SLCO5A1: variants seen among roughly 807,000 people sequenced by gnomAD.
The protein encoded by SLCO5A1 is solute carrier organic anion transporter family member 5A1.
SLCO5A1 carries 39 observed loss-of-function variants against 65.1 expected under a neutral mutation model. The ratio of observed to expected loss-of-function variants is 0.60; its 90% CI spans 0.46 to 0.78. The LOEUF (loss-of-function observed/expected upper bound fraction) is 0.78. Among genes scored for constraint, SLCO5A1 ranks in the 30% least tolerant of loss-of-function variants. The probability of loss-of-function intolerance (pLI) is 0.00; values close to 1 mark genes in which losing one functional copy is unlikely to be tolerated. For missense variants in SLCO5A1, 1,029 were observed against 1,069.4 expected (o/e 0.96, Z 0.53); for synonymous variants, 438 against 415.7 (o/e 1.05, Z -0.65).
intron 4 of SLCO5A1, among the ~76,000 whole-genome samples, chr8:69,739,151 T>C (rs1363945292): frequency 6.6e-6 from 1 of 152,218 alleles, no homozygotes; most frequent in Non-Finnish European, 1.5e-5. Flanking sequence ...TAGATGTACA[T>C]ATATGTGTGT....
intron 2 of SLCO5A1, among the ~76,000 whole-genome samples, chr8:69,803,446 C>T (rs972999900): frequency 1.3e-5 from 2 of 151,808 alleles, no homozygotes; most frequent in African/African-American, 4.8e-5. Flanking sequence ...GGCATGGTGC[C>T]GGGTTCCTGT....
At chr8:69,677,800 C>T (rs73686118) in intron 8 of SLCO5A1, among the ~76,000 whole-genome samples, 7,462 of 152,266 alleles carry the variant, frequency 0.049, 621 homozygotes, top group African/African-American at 0.17. Context: ...GCAATGACAT[C>T]TCAGCAGGTG....
chr8:69,812,037 C>T (rs1242795200), intron 2 of SLCO5A1, among the ~76,000 whole-genome samples: 1 of 152,224 alleles, frequency 6.6e-6, no homozygotes, highest in Non-Finnish European at 1.5e-5. Context: ...TTTGCAACCC[C>T]TCTCATTCGA....
chr8:69,806,223 A>G (rs963442531), intron 2 of SLCO5A1, among the ~76,000 whole-genome samples: 3 of 152,238 alleles, frequency 2.0e-5, no homozygotes, highest in African/African-American at 7.2e-5. Flanking sequence ...GTTCTCAAGC[A>G]TCCTTTAAGC....
At chr8:69,692,990 TATTGAAGG>T (rs1814339622) in intron 6 of SLCO5A1, among the ~76,000 whole-genome samples, 1 of 152,246 alleles carries the variant, frequency 6.6e-6, no homozygotes, top group Non-Finnish European at 1.5e-5. Context: ...TGTGCTGTAC[TATTGAAGG>T]ACTGCCAGCA....
intron 2 of SLCO5A1, among the ~76,000 whole-genome samples, chr8:69,784,811 A>AAGAAAAAGAAAGAAAGAAAG (rs1554620797): frequency 2.8e-5 from 2 of 70,950 alleles, no homozygotes; most frequent in African/African-American, 7.8e-5. Flanking sequence ...GAAAGAAAGA[A>AAGAAAAAGAAAGAAAGAAAG]AAAGAAAGAA....
intron 8 of SLCO5A1, among the ~76,000 whole-genome samples, chr8:69,677,917 CT>C (rs887968525): frequency 3.3e-5 from 5 of 152,136 alleles, no homozygotes; most frequent in South Asian, 2.1e-4. Flanking sequence ...CTAATCCCCC[CT>C]AATCCCCTTC....
chr8:69,793,810 TAAATA>T (rs1190144874), intron 2 of SLCO5A1, among the ~76,000 whole-genome samples: 16 of 140,456 alleles, frequency 1.1e-4, no homozygotes, highest in Non-Finnish European at 1.7e-4. Flanking sequence ...AATAAATAAA[TAAATA>T]AAATAAAATT....
At chr8:69,769,672 G>C (rs1057248232) in intron 2 of SLCO5A1, among the ~76,000 whole-genome samples, 2 of 151,982 alleles carry the variant, frequency 1.3e-5, no homozygotes, top group African/African-American at 4.8e-5. Context: ...ATCTTAGTAA[G>C]TTATCTCTTC....
chr8:69,823,241 A>AT (rs1209908296), intron 2 of SLCO5A1, among the ~76,000 whole-genome samples: 6 of 152,228 alleles, frequency 3.9e-5, no homozygotes, highest in Admixed American at 6.5e-5. Flanking sequence ...AGCTAACATC[A>AT]TAAAGACAGG....
intron 4 of SLCO5A1, among the ~76,000 whole-genome samples, chr8:69,749,799 A>G (rs1424799694): frequency 6.6e-6 from 1 of 152,116 alleles, no homozygotes; most frequent in Non-Finnish European, 1.5e-5. Context: ...GAGACAATAA[A>G]TAAGTAAGTA....
rs114731837 is a variant in SLCO5A1 at position 69,759,940 on chromosome 8, C to G, written c.1040+1803G>C. ...GGGATTACAGGCATGAGCCACCTTA[C>G]CCGGCCCTCATCTCTCAATTTTGCT... On this transcript the variant is annotated intron_variant, in intron 3 of 9. Transcript: ENST00000260126. Among the ~76,000 whole-genome samples, 1,136 of 152,326 alleles carry G rather than the reference C, an allele frequency of 7.5e-3. 14 individuals are homozygous for G. Among genetic ancestry groups the G allele is most frequent in the African/African-American group, 0.026 (1,083 of 41,566 alleles).
At position 69,743,109 on chromosome 8, in the gene SLCO5A1, T is replaced by G. The variant is rs16936400; in HGVS notation, c.1259-4905A>C. On this transcript the variant is annotated intron_variant, in intron 4 of 9. Coordinates refer to ENST00000260126, the MANE Select transcript of SLCO5A1 (RefSeq NM_030958.3). ...GCCACTGTGCTTGGCTGTGACCAGA[T>G]TCTTATGGAAGCTGATAAGGGATGG... Among the ~76,000 whole-genome samples the G allele has an allele frequency of 7.3e-3, 1,114 of 152,258 alleles. 22 individuals are homozygous for G. The highest frequency in any genetic ancestry group is 0.023 in the African/African-American group (956 of 41,554).
At chr8:69,771,877 G>T (rs1232432919) in intron 2 of SLCO5A1, among the ~76,000 whole-genome samples, 4 of 152,208 alleles carry the variant, frequency 2.6e-5, no homozygotes, top group African/African-American at 9.6e-5. Flanking sequence ...TCTAATTCAA[G>T]TTCTCTGATG....
intron 1 of SLCO5A1, 91 bp downstream of exon 1, chr8:69,834,763 C>CACACACAG (rs1220982956): frequency 4.0e-5 from 6 of 150,908 alleles, no homozygotes; most frequent in African/African-American, 1.5e-4. Context: ...CACACACACA[C>CACACACAG]ACACACACAC....
intron 2 of SLCO5A1, among the ~76,000 whole-genome samples, chr8:69,787,949 A>G (rs1010419460): frequency 6.6e-6 from 1 of 152,158 alleles, no homozygotes; most frequent in Admixed American, 6.5e-5. Flanking sequence ...AATGTTTTAA[A>G]CCCCTCTCCC....
intron 4 of SLCO5A1, among the ~76,000 whole-genome samples, chr8:69,748,811 C>T (rs1817151772): frequency 6.6e-6 from 1 of 152,188 alleles, no homozygotes; most frequent in African/African-American, 2.4e-5. Flanking sequence ...TCAGGCCGCA[C>T]TCCAGACCTA....
Position 69,679,500 on chromosome 8 carries a change from G to C in SLCO5A1, c.1902C>G (p.Gly634=). 6.2e-7 allele frequency: 1 copy of C among 1,614,190 alleles called. No individual in the cohort carries two copies. Among genetic ancestry groups the C allele is most frequent in the Non-Finnish European group, 8.5e-7 (1 of 1,180,034 alleles). Residue 634 remains glycine, a synonymous_variant, in exon 8 of 10, where the codon GGC becomes GGG. Transcript: ENST00000260126. ...GTTTACATTTCCCAGACACAGCATA[G>C]CCGTTCTCATTGAGATAAGTCTTGA... ...VIVKTYLNEN[G]YAVSGKCKRT...
At position 69,672,539 on chromosome 8, in the gene SLCO5A1, G is replaced by A. The variant is rs185495858; in HGVS notation, c.*330C>T. 4.0e-4 allele frequency: 106 copies of A among 263,248 alleles called. No homozygotes were observed. The highest frequency in any genetic ancestry group is 1.5e-3 in the African/African-American group (70 of 46,170). 16.3% of individuals were successfully genotyped at this position (263,248 alleles called of 1,614,324 possible). A position where few individuals can be genotyped will look rare whatever the true frequency, so the allele number is the denominator to read the frequency against. Reference sequence around the variant, plus strand: ...ACCTTTGTTTGGAGTGTTAGTTAATGATATGCACCGCCATTCCCCTTCCCA... The same window carrying A: ...ACCTTTGTTTGGAGTGTTAGTTAATAATATGCACCGCCATTCCCCTTCCCA... On this transcript the variant is annotated 3_prime_UTR_variant, in exon 10 of 10. Transcript: ENST00000260126.
Sources: gnomAD v4.1 joint callset for allele counts (sites outside exome capture counted in the v4.1 genomes callset) on GRCh38, gnomAD v4.1.1 for gene constraint, MANE v1.5 for transcripts, NCBI Gene and HGNC (gene_info 2026-07-23, HGNC 2026-07-21) for gene names.